The following CNTNAP2 variants were observed in gnomAD, a reference collection of about 807,000 sequenced individuals.
CNTNAP2 encodes contactin-associated protein-like 2.
Under a neutral mutation model 155.2 loss-of-function variants are expected in CNTNAP2, and 98 were observed. That is an observed-to-expected ratio of 0.63 (90% CI 0.54 to 0.75). The LOEUF (loss-of-function observed/expected upper bound fraction) is 0.75. Ranked by LOEUF, CNTNAP2 falls within the 30% of genes least tolerant of loss-of-function variation. The pLI, the probability that CNTNAP2 is intolerant of heterozygous loss-of-function variation, is 0.00. For missense variants in CNTNAP2, 1,727 were observed against 1,688.1 expected (o/e 1.02, Z -0.40); for synonymous variants, 651 against 631.2 (o/e 1.03, Z -0.47).
intron 8 of CNTNAP2, among the ~76,000 whole-genome samples, chr7:147,292,459 ATTTT>A (rs935832262): frequency 6.6e-6 from 1 of 151,856 alleles, no homozygotes; most frequent in African/African-American, 2.4e-5. Flanking sequence ...ATATTTAAGG[ATTTT>A]TTTTGCATTT....
At chr7:146,233,935 T>A (rs534057478) in intron 1 of CNTNAP2, among the ~76,000 whole-genome samples, 120 of 150,982 alleles carry the variant, frequency 7.9e-4, no homozygotes, top group African/African-American at 2.8e-3. Flanking sequence ...TACGTGTGCA[T>A]GTGTCTTTAT....
chr7:146,739,268 T>A (rs544851013), intron 1 of CNTNAP2, among the ~76,000 whole-genome samples: 1 of 152,008 alleles, frequency 6.6e-6, no homozygotes, highest in Non-Finnish European at 1.5e-5. Context: ...AGGCATTTAT[T>A]GCTATAAAAC....
intron 1 of CNTNAP2, among the ~76,000 whole-genome samples, chr7:146,586,385 C>G (rs1017796779): frequency 6.6e-6 from 1 of 151,902 alleles, no homozygotes; most frequent in African/African-American, 2.4e-5. Context: ...AATTACAAAC[C>G]CCACCAAAAT....
rs867603209 is a variant in CNTNAP2 at position 146,531,030 on chromosome 7, G to A, written c.98-243241G>A. On this transcript the variant is annotated intron_variant, in intron 1 of 23. Coordinates refer to ENST00000361727, the MANE Select transcript of CNTNAP2 (RefSeq NM_014141.6). Reference sequence around the variant, plus strand: ...AAATGTGGTACACATTTTATACACCGTGGAATACTGTGCATTCACAAAAAG... The same window carrying A: ...AAATGTGGTACACATTTTATACACCATGGAATACTGTGCATTCACAAAAAG... Among the ~76,000 whole-genome samples, 4 of 152,116 alleles carry A rather than the reference G, an allele frequency of 2.6e-5. No individual in the cohort carries two copies. In the East Asian group the frequency reaches 5.8e-4, roughly 22 times the overall value.
At chr7:147,416,624 C>T (rs1397098200) in intron 10 of CNTNAP2, among the ~76,000 whole-genome samples, 2 of 152,072 alleles carry the variant, frequency 1.3e-5, no homozygotes, top group Non-Finnish European at 2.9e-5. Context: ...CTTTTATCTC[C>T]AGAATCTAGT....
intron 21 of CNTNAP2, among the ~76,000 whole-genome samples, chr7:148,268,958 G>A (rs1040290385): frequency 6.6e-6 from 1 of 152,112 alleles, no homozygotes; most frequent in South Asian, 2.1e-4. Context: ...GAAAGACAGA[G>A]AGGAAAGATT....
At chr7:148,185,034 A>G (rs1795094378) in intron 18 of CNTNAP2, among the ~76,000 whole-genome samples, 1 of 152,218 alleles carries the variant, frequency 6.6e-6, no homozygotes, top group Admixed American at 6.5e-5. Context: ...AGGAAATCCT[A>G]GACAGAACTT....
chr7:147,236,778 A>G (rs1803815124), intron 8 of CNTNAP2, among the ~76,000 whole-genome samples: 5 of 151,844 alleles, frequency 3.3e-5, no homozygotes, highest in Admixed American at 3.3e-4. Flanking sequence ...CTATCCCCTT[A>G]TCTCCCACAT....
intron 12 of CNTNAP2, among the ~76,000 whole-genome samples, chr7:147,637,944 A>G (rs1795209054): frequency 6.6e-6 from 1 of 152,190 alleles, no homozygotes; most frequent in Non-Finnish European, 1.5e-5. Flanking sequence ...CATAAAGACA[A>G]TATTTGGTTT....
chr7:147,320,131 T>C (rs1584870643), intron 9 of CNTNAP2, among the ~76,000 whole-genome samples: 2 of 152,188 alleles, frequency 1.3e-5, no homozygotes, highest in Admixed American at 6.5e-5. Flanking sequence ...CTTTAGTACA[T>C]TGTTTCTCAC....
intron 4 of CNTNAP2, among the ~76,000 whole-genome samples, chr7:147,060,043 T>C (rs1018088988): frequency 9.9e-5 from 15 of 152,210 alleles, no homozygotes; most frequent in Admixed American, 9.8e-4. Flanking sequence ...TTAGGAACTA[T>C]CTTCATTTTA....
chr7:148,300,237 T>TA (rs896453189), intron 21 of CNTNAP2, among the ~76,000 whole-genome samples: 50 of 152,338 alleles, frequency 3.3e-4, no homozygotes, highest in African/African-American at 9.9e-4. Flanking sequence ...ATAGGCCCTT[T>TA]ACCAAGGATT....
At chr7:147,542,808 G>C (rs1799664036) in intron 11 of CNTNAP2, among the ~76,000 whole-genome samples, 1 of 152,212 alleles carries the variant, frequency 6.6e-6, no homozygotes, top group African/African-American at 2.4e-5. Flanking sequence ...TAGGCATCTA[G>C]TGTAGGAATA....
intron 19 of CNTNAP2, among the ~76,000 whole-genome samples, chr7:148,218,663 G>A (rs1795687915): frequency 6.6e-6 from 1 of 151,954 alleles, no homozygotes; most frequent in African/African-American, 2.4e-5. Flanking sequence ...GTGCTGGGAT[G>A]ACAGGCATGA....
chr7:147,492,942 T>C (rs1388415727), intron 11 of CNTNAP2, among the ~76,000 whole-genome samples: 1 of 152,162 alleles, frequency 6.6e-6, no homozygotes, highest in African/African-American at 2.4e-5. Flanking sequence ...CTTTTGAAAA[T>C]TCAATGAGAT....
chr7:147,581,393 C>T (rs6464826), intron 12 of CNTNAP2, among the ~76,000 whole-genome samples: 103,963 of 152,106 alleles, frequency 0.68, 35,983 homozygotes, highest in African/African-American at 0.78. Context: ...ATAGGAGAAA[C>T]ATTCATGATT....
intron 13 of CNTNAP2, among the ~76,000 whole-genome samples, chr7:147,721,385 C>G (rs897924524): frequency 1.3e-5 from 2 of 152,036 alleles, no homozygotes; most frequent in African/African-American, 4.8e-5. Flanking sequence ...ACCCTGTTAA[C>G]TTTAGTCTCA....
At chr7:147,388,236 A>G (rs1187457666) in intron 9 of CNTNAP2, among the ~76,000 whole-genome samples, 1 of 152,188 alleles carries the variant, frequency 6.6e-6, no homozygotes, top group Non-Finnish European at 1.5e-5. Context: ...TCATTCTGAC[A>G]TGACCCCATC....
chr7:146,293,959 A>G (rs1336295685), intron 1 of CNTNAP2, among the ~76,000 whole-genome samples: 6 of 152,140 alleles, frequency 3.9e-5, no homozygotes, highest in Non-Finnish European at 8.8e-5. Flanking sequence ...ACATAAAAGC[A>G]ACCAAAAATT....
Sources: gnomAD v4.1 joint callset for allele counts (sites outside exome capture counted in the v4.1 genomes callset) on GRCh38, gnomAD v4.1.1 for gene constraint, MANE v1.5 for transcripts, NCBI Gene and HGNC (gene_info 2026-07-23, HGNC 2026-07-21) for gene names.